Variants in PDS5B observed in about 807,000 individuals in gnomAD.
The protein encoded by PDS5B is PDS5 cohesin associated factor B.
A neutral mutation model predicts 184.1 loss-of-function variants in PDS5B; 51 were observed. The ratio of observed to expected loss-of-function variants is 0.28; its 90% CI spans 0.22 to 0.35. The LOEUF is 0.35. Ranked by LOEUF, PDS5B falls within the 10% of genes least tolerant of loss-of-function variation. PDS5B has a pLI of 1.00. For missense variants in PDS5B, 1,180 were observed against 1,723.3 expected (o/e 0.68, Z 5.58); for synonymous variants, 566 against 569.2 (o/e 0.99, Z 0.08).
At chr13:32,673,445 CTG>C in intron 8 of PDS5B, 89 bp downstream of exon 8, 1 of 1,089,152 alleles carries the variant, frequency 9.2e-7, no homozygotes, top group South Asian at 1.5e-5. Flanking sequence ...GTAGTTTTAA[CTG>C]AATGTAAGAG....
chr13:32,710,989 C>G (rs9591261), intron 19 of PDS5B, among the ~76,000 whole-genome samples: 3 of 151,590 alleles, frequency 2.0e-5, no homozygotes, highest in African/African-American at 2.4e-5. Flanking sequence ...TTATTATTTT[C>G]TTTTTTTCTT....
intron 29 of PDS5B, among the ~76,000 whole-genome samples, chr13:32,760,247 A>G (rs548329033): frequency 1.8e-4 from 27 of 152,250 alleles, no homozygotes; most frequent in African/African-American, 6.0e-4. Context: ...GAGCCACTGC[A>G]CCCGGCCAAA....
chr13:32,592,762 A>G (rs1350611491), intron 1 of PDS5B, among the ~76,000 whole-genome samples: 1 of 152,132 alleles, frequency 6.6e-6, no homozygotes, highest in East Asian at 1.9e-4. Flanking sequence ...TCAGGATGTG[A>G]TGCTTGATAA....
At chr13:32,754,743 G>A (rs1954113770) in intron 25 of PDS5B, among the ~76,000 whole-genome samples, 1 of 152,054 alleles carries the variant, frequency 6.6e-6, no homozygotes, top group African/African-American at 2.4e-5. Flanking sequence ...TGTGGTTGTT[G>A]TGAGAATTTA....
intron 13 of PDS5B, chr13:32,688,854 T>C: frequency 2.9e-6 from 1 of 341,690 alleles, no homozygotes. Context: ...TTGATGTACC[T>C]ATTCTTTTTT....
intron 1 of PDS5B, among the ~76,000 whole-genome samples, chr13:32,629,775 T>C (rs762284921): frequency 7.2e-5 from 11 of 152,210 alleles, no homozygotes; most frequent in Non-Finnish European, 1.0e-4. Context: ...TAAGCAGGTA[T>C]GATGTAGTTC....
intron 9 of PDS5B, among the ~76,000 whole-genome samples, chr13:32,676,932 C>CAAAAAAAA (rs4057303): frequency 2.8e-4 from 22 of 78,822 alleles, no homozygotes; most frequent in African/African-American, 1.1e-3. Context: ...CTCTTGTCTC[C>CAAAAAAAA]AAAAAAAAAA....
At chr13:32,721,610 AG>A in intron 19 of PDS5B, among the ~76,000 whole-genome samples, 2 of 115,888 alleles carry the variant, frequency 1.7e-5, no homozygotes, top group Admixed American at 8.5e-5. Flanking sequence ...CAGACGGGGC[AG>A]CCGGGCAGAG....
chr13:32,765,301 T>C (rs1322509569), intron 31 of PDS5B, among the ~76,000 whole-genome samples: 1 of 152,246 alleles, frequency 6.6e-6, no homozygotes, highest in Non-Finnish European at 1.5e-5. Flanking sequence ...TTATGGATAC[T>C]TAGCTGGTAA....
intron 25 of PDS5B, among the ~76,000 whole-genome samples, chr13:32,753,905 A>G (rs1037172391): frequency 2.6e-5 from 4 of 152,160 alleles, no homozygotes; most frequent in African/African-American, 7.2e-5. Context: ...AGCTGACATT[A>G]ATATCAGGTG....
chr13:32,655,152 A>G (rs1250841017), intron 3 of PDS5B, among the ~76,000 whole-genome samples: 1 of 151,116 alleles, frequency 6.6e-6, no homozygotes. Flanking sequence ...CCAGTGATGT[A>G]TCAGCACTTC....
intron 19 of PDS5B, among the ~76,000 whole-genome samples, chr13:32,719,792 C>CTTT (rs397686930): frequency 7.0e-6 from 1 of 142,954 alleles, no homozygotes. Context: ...ACCCCCCCCC[C>CTTT]TTTTTTTTTT....
intron 21 of PDS5B, among the ~76,000 whole-genome samples, chr13:32,735,967 A>G (rs1367456945): frequency 1.3e-5 from 2 of 152,034 alleles, no homozygotes; most frequent in African/African-American, 4.8e-5. Flanking sequence ...TTTTGATTAA[A>G]TATTTTTATT....
At chr13:32,597,306 G>A (rs1372355373) in intron 1 of PDS5B, among the ~76,000 whole-genome samples, 3 of 151,550 alleles carry the variant, frequency 2.0e-5, no homozygotes, top group South Asian at 2.1e-4. Flanking sequence ...GCCTCCCAAA[G>A]TGCTGGGATT....
intron 13 of PDS5B, among the ~76,000 whole-genome samples, chr13:32,692,415 C>CTTTTTTTTTTT (rs1566334927): frequency 7.4e-5 from 4 of 53,790 alleles, no homozygotes; most frequent in African/African-American, 2.1e-4. Flanking sequence ...TCCAAAAAGC[C>CTTTTTTTTTTT]TTTTTTTTTT....
rs1954989761 is a variant in PDS5B, at chr13:32,777,459, G to A, written c.*2407G>A. Reference sequence around the variant, plus strand: ...CTTACGTTTAAGCTTAACATTTCATGTAGTAAGATTTGGAGAGCCACATAC... The same window carrying A: ...CTTACGTTTAAGCTTAACATTTCATATAGTAAGATTTGGAGAGCCACATAC... On this transcript the variant is annotated 3_prime_UTR_variant, in exon 35 of 35. Coordinates refer to ENST00000315596, the MANE Select transcript of PDS5B (RefSeq NM_015032.4). The A allele has an allele frequency of 6.7e-6, 1 of 148,852 alleles. No individual in the cohort carries two copies. Among genetic ancestry groups the A allele is most frequent in the African/African-American group, 2.5e-5 (1 of 40,360 alleles). 9.2% of individuals were successfully genotyped at this position (148,852 alleles called of 1,614,324 possible).
At chr13:32,698,513 A>T (rs534906458) in intron 15 of PDS5B, among the ~76,000 whole-genome samples, 1 of 152,304 alleles carries the variant, frequency 6.6e-6, no homozygotes, top group South Asian at 2.1e-4. Flanking sequence ...CTGTTGTACT[A>T]TAATGTGGTT....
intron 1 of PDS5B, among the ~76,000 whole-genome samples, chr13:32,619,922 C>T (rs1365636797): frequency 6.6e-6 from 1 of 152,058 alleles, no homozygotes; most frequent in African/African-American, 2.4e-5. Context: ...CTTCAGCCTC[C>T]CTCGTAGCTG....
intron 25 of PDS5B, 41 bp from the exon 26 acceptor site, chr13:32,755,796 TTTTTC>T: frequency 3.0e-6 from 3 of 989,428 alleles, no homozygotes; most frequent in Non-Finnish European, 4.6e-6. Flanking sequence ...TGTTTTTTGC[TTTTTC>T]TTTTGTTTTT....
Sources: gnomAD v4.1 joint callset for allele counts (sites outside exome capture counted in the v4.1 genomes callset) on GRCh38, gnomAD v4.1.1 for gene constraint, MANE v1.5 for transcripts, NCBI Gene and HGNC (gene_info 2026-07-23, HGNC 2026-07-21) for gene names.